The following NUP50 variants were observed in gnomAD, a reference collection of about 807,000 sequenced individuals.
NUP50 encodes the protein nucleoporin 50.
NUP50 carries 14 observed loss-of-function variants against 36.8 expected under a neutral mutation model. The observed-to-expected ratio is 0.38, with a 90% CI of 0.25 to 0.59. The LOEUF is 0.59. Ranked by LOEUF, NUP50 falls within the 20% of genes least tolerant of loss-of-function variation. The probability of loss-of-function intolerance (pLI) is 0.63; values close to 1 mark genes in which losing one functional copy is unlikely to be tolerated. For synonymous variants in NUP50, 195 were observed against 210.8 expected, an observed-to-expected ratio of 0.93 and a Z score of 0.65; for missense variants, 455 against 564.6, an observed-to-expected ratio of 0.81 and a Z score of 1.97.
chr22:45,183,542 G>C (rs1050337659), intron 7 of NUP50, 22 bp downstream of exon 7: 4 of 1,351,646 alleles, frequency 3.0e-6, no homozygotes, highest in Non-Finnish European at 4.3e-6. Flanking sequence ...TTTTCAGTTA[G>C]CACAAAATCA....
At chr22:45,171,091 G>A in intron 2 of NUP50, 1 of 1,296,364 alleles carries the variant, frequency 7.7e-7, no homozygotes, top group South Asian at 1.3e-5. Context: ...CTGTGGAAGA[G>A]CAGTGGTTGT....
Position 45,172,531 on chromosome 22 carries a change from C to T in NUP50, c.153+848C>T, listed in dbSNP as rs151277727. 3.5e-3 allele frequency among the ~76,000 whole-genome samples: 526 copies of T among 152,190 alleles called. 12 individuals carry two copies. The highest frequency in any genetic ancestry group is 0.029 in the Admixed American group (438 of 15,278). ...GCCGTGCCAGTAAGCATAATGCAGA[C>T]TTCCTGGGAGCGGAAATACTTACTT... On this transcript the variant is annotated intron_variant, in intron 3 of 7. Coordinates refer to ENST00000347635, the MANE Select transcript of NUP50 (RefSeq NM_007172.4).
chr22:45,184,775 T>C lies in NUP50; in HGVS notation c.*120T>C. 2 of 721,046 alleles carry C rather than the reference T, an allele frequency of 2.8e-6. No homozygotes were observed. Among genetic ancestry groups the C allele is most frequent in the South Asian group, 3.7e-5 (2 of 53,968 alleles). The allele number at this position is 721,046 out of a possible 1,614,324, so 44.7% of individuals were successfully genotyped here. A position where few individuals can be genotyped will look rare whatever the true frequency, so the allele number is the denominator to read the frequency against. On this transcript the variant is annotated 3_prime_UTR_variant, in exon 8 of 8. Transcript: ENST00000347635. ...AAGAACTTATAGATAACTTAAAACT[T>C]TTGTGAGGAAGATTAATGTGGCCAA...
At chr22:45,183,886 C>T (rs2074424176) in intron 7 of NUP50, 2 of 231,746 alleles carry the variant, frequency 8.6e-6, no homozygotes, top group South Asian at 1.2e-4. Context: ...TGAAAAGAGT[C>T]CACTGCAAGG....
chr22:45,181,470 G>T, intron 6 of NUP50, 103 bp downstream of exon 6: 1 of 623,506 alleles, frequency 1.6e-6, no homozygotes. Context: ...TTCCAGTCTC[G>T]GGGTCAAGCT....
rs1463529625 is a variant in NUP50 at position 45,171,931 on chromosome 22, T to C, written c.153+248T>C. The C allele has an allele frequency of 9.2e-6, 4 of 435,806 alleles. No homozygotes were observed. The Admixed American group carries it at 1.0e-4, about 11-fold the overall frequency. 27.0% of individuals were successfully genotyped at this position (435,806 alleles called of 1,614,324 possible). On this transcript the variant is annotated intron_variant, in intron 3 of 7. Coordinates refer to ENST00000347635, the MANE Select transcript of NUP50 (RefSeq NM_007172.4). ...TGAGTGACAATCTGGAGAAGAAAAA[T>C]GAGCAAAGCAATACAGAGGTGGGCG...
chr22:45,173,524 G>C (rs1214230886), intron 3 of NUP50, among the ~76,000 whole-genome samples: 14 of 152,090 alleles, frequency 9.2e-5, no homozygotes, highest in Non-Finnish European at 1.9e-4. Context: ...AAAGGCCTTG[G>C]TACACTCAAG....
At chr22:45,171,046 A>G in intron 2 of NUP50, 4 of 1,304,078 alleles carry the variant, frequency 3.1e-6, no homozygotes, top group Non-Finnish European at 4.0e-6. Context: ...TGACGTGGAC[A>G]TCAGAAGTGT....
intron 6 of NUP50, 77 bp downstream of exon 6, chr22:45,181,444 C>G: frequency 1.2e-6 from 1 of 819,240 alleles, no homozygotes; most frequent in South Asian, 2.0e-5. Context: ...AATGTCCTCA[C>G]GGCACTTGAC....
chr22:45,168,261 C>A lies in NUP50; in HGVS notation c.69+15C>A, dbSNP rs776512142. The A allele has an allele frequency of 1.9e-6, 3 of 1,589,890 alleles. No individual in the cohort carries two copies. The East Asian group carries it at 6.7e-5, about 36-fold the overall frequency. ...AAGCTGAAGAGGTAAAAAGCAGCTTCCCTAAGAATGATTTCCTGTTTCTTT... is the reference window on the plus strand; with the variant it reads ...AAGCTGAAGAGGTAAAAAGCAGCTTACCTAAGAATGATTTCCTGTTTCTTT... On this transcript the variant is annotated intron_variant, in intron 2 of 7. Transcript: ENST00000347635.
At chr22:45,167,599 A>G (rs1048889869) in intron 1 of NUP50, among the ~76,000 whole-genome samples, 1 of 152,216 alleles carries the variant, frequency 6.6e-6, no homozygotes, top group Non-Finnish European at 1.5e-5. Context: ...GGCAATATAC[A>G]ATTTGAAGCA....
intron 1 of NUP50, among the ~76,000 whole-genome samples, chr22:45,167,336 G>A (rs983485891): frequency 6.6e-6 from 1 of 152,190 alleles, no homozygotes; most frequent in Non-Finnish European, 1.5e-5. Flanking sequence ...GCTCTGGGTT[G>A]TGGGTTTTCT....
chr22:45,184,659 C>T lies in NUP50; in HGVS notation c.*4C>T, dbSNP rs774655476. The T allele has an allele frequency of 3.0e-5, 49 of 1,609,464 alleles. No individual in the cohort carries two copies. Among genetic ancestry groups the T allele is most frequent in the East Asian group, 2.0e-4 (9 of 44,790 alleles). ...ACTGGAGAAAAAGGATGCCTGAACA[C>T]GCAAAGTCGGCTGCAGAATTATTGC... On this transcript the variant is annotated 3_prime_UTR_variant, in exon 8 of 8. Coordinates refer to ENST00000347635, the MANE Select transcript of NUP50 (RefSeq NM_007172.4).
At chr22:45,174,977 C>A (rs1454080812) in intron 3 of NUP50, among the ~76,000 whole-genome samples, 1 of 138,630 alleles carries the variant, frequency 7.2e-6, no homozygotes, top group East Asian at 2.1e-4. Context: ...TTTTTTTTTT[C>A]TGGTGAAATC....
chr22:45,184,688 G>GTT lies in NUP50; in HGVS notation c.*34_*35dup, dbSNP rs369753596. ...AAGTCGGCTGCAGAATTATTGCCAA[G>GTT]TTGCTGCTGCTTCCACCGCCCCTTA... On this transcript the variant is annotated 3_prime_UTR_variant, in exon 8 of 8. Coordinates refer to ENST00000347635, the MANE Select transcript of NUP50 (RefSeq NM_007172.4). 8.8e-7 allele frequency: 1 copy of GTT among 1,133,060 alleles called. No individual in the cohort carries two copies. Among genetic ancestry groups the GTT allele is most frequent in the East Asian group, 2.7e-5 (1 of 36,634 alleles). 70.2% of individuals were successfully genotyped at this position (1,133,060 alleles called of 1,614,324 possible).
chr22:45,184,793 G>A lies in NUP50; in HGVS notation c.*138G>A. 1.5e-6 allele frequency: 1 copy of A among 668,688 alleles called. No individual in the cohort carries two copies. Among genetic ancestry groups the A allele is most frequent in the Non-Finnish European group, 2.6e-6 (1 of 381,138 alleles). 41.4% of individuals were successfully genotyped at this position (668,688 alleles called of 1,614,324 possible). ...TAAAACTTTTGTGAGGAAGATTAAT[G>A]TGGCCAATAAAACCTTTAAATGTTA... On this transcript the variant is annotated 3_prime_UTR_variant, in exon 8 of 8. Coordinates refer to ENST00000347635, the MANE Select transcript of NUP50 (RefSeq NM_007172.4).
rs1270475274 is a variant in NUP50, at chr22:45,186,673, T to C, written c.*2018T>C. 2.6e-5 allele frequency: 4 copies of C among 152,708 alleles called. No homozygotes were observed. The highest frequency in any genetic ancestry group is 2.1e-4 in the South Asian group (1 of 4,838). 9.5% of individuals were successfully genotyped at this position (152,708 alleles called of 1,614,324 possible). On this transcript the variant is annotated 3_prime_UTR_variant, in exon 8 of 8. Transcript: ENST00000347635. The stretch of plus-strand genomic sequence containing the variant: ...TTATATATTTTTAAATTAGTAGGTA[T>C]GTGTGGCTTCCTTTTTTCCTAACAT...
chr22:45,170,042 T>C (rs1046156107), intron 2 of NUP50, among the ~76,000 whole-genome samples: 1 of 152,198 alleles, frequency 6.6e-6, no homozygotes, highest in Non-Finnish European at 1.5e-5. Context: ...GATAAGTGCA[T>C]AGAAGAAAAT....
rs201117286 is a variant in NUP50 at position 45,178,404 on chromosome 22, T to C, written c.507T>C (p.Asp169=). The change falls in exon 5 of 8, where the codon GAT becomes GAC. Residue 169 remains aspartate (D), a synonymous_variant. Coordinates refer to ENST00000347635, the MANE Select transcript of NUP50 (RefSeq NM_007172.4). ...QLAALNCSVR[D]WIVKHVNTNP... is the part of the protein sequence containing the mutation. ...CCGCCTTGAACTGCTCCGTGCGGGATTGGATAGTGAAGCACGTGAATACAA... is the reference window on the plus strand; with the variant it reads ...CCGCCTTGAACTGCTCCGTGCGGGACTGGATAGTGAAGCACGTGAATACAA... 19 of 1,613,808 alleles carry C rather than the reference T, an allele frequency of 1.2e-5. No individual in the cohort carries two copies. In the East Asian group the frequency reaches 3.8e-4, roughly 32 times the overall value.
Sources: allele counts gnomAD v4.1 joint callset (sites outside exome capture counted in the v4.1 genomes callset), GRCh38; gene constraint gnomAD v4.1.1; transcripts MANE v1.5; gene names NCBI Gene and HGNC (gene_info 2026-07-23, HGNC 2026-07-21).